Variants in TNS1 observed in about 807,000 individuals in gnomAD.
TNS1 encodes tensin-1.
TNS1 carries 62 observed loss-of-function variants against 168.6 expected under a neutral mutation model. That is an observed-to-expected ratio of 0.37 (90% CI 0.30 to 0.45). The LOEUF is 0.45. Ranked by LOEUF, TNS1 falls within the 20% of genes least tolerant of loss-of-function variation. The probability of loss-of-function intolerance (pLI) is 1.00; values close to 1 mark genes in which losing one functional copy is unlikely to be tolerated. For synonymous variants in TNS1, 934 were observed against 933.2 expected, an observed-to-expected ratio of 1.00 and a Z score of -0.02; for missense variants, 2,240 against 2,339.4, an observed-to-expected ratio of 0.96 and a Z score of 0.88.
intron 3 of TNS1, among the ~76,000 whole-genome samples, chr2:217,966,218 G>A (rs547185943): frequency 6.6e-6 from 1 of 152,046 alleles, no homozygotes; most frequent in South Asian, 2.1e-4. Context: ...TCACAGCTCA[G>A]TGTCTCTTCA....
intron 32 of TNS1, 36 bp downstream of exon 32, chr2:217,808,039 C>A: frequency 6.2e-7 from 1 of 1,612,416 alleles, no homozygotes; most frequent in Non-Finnish European, 8.5e-7. Context: ...AGTACAAAGG[C>A]CAGCCTGCTG....
At chr2:217,965,119 G>A (rs1183610628) in intron 3 of TNS1, among the ~76,000 whole-genome samples, 5 of 152,260 alleles carry the variant, frequency 3.3e-5, no homozygotes, top group Non-Finnish European at 7.3e-5. Flanking sequence ...CAGTCATTCA[G>A]TGGAGCTGCC....
intron 3 of TNS1, among the ~76,000 whole-genome samples, chr2:217,926,089 G>A (rs1348036741): frequency 6.6e-6 from 1 of 152,116 alleles, no homozygotes; most frequent in Non-Finnish European, 1.5e-5. Flanking sequence ...GGAAACGAGG[G>A]CACAGAAATA....
intron 8 of TNS1, among the ~76,000 whole-genome samples, chr2:217,895,429 T>C (rs1952192219): frequency 6.6e-6 from 1 of 152,206 alleles, no homozygotes; most frequent in African/African-American, 2.4e-5. Context: ...CCCTGTTCCG[T>C]GAGCGGATGT....
intron 1 of TNS1, among the ~76,000 whole-genome samples, chr2:218,017,219 A>G (rs934229925): frequency 3.3e-5 from 5 of 151,950 alleles, no homozygotes; most frequent in African/African-American, 1.2e-4. Context: ...TCTCTTTCCC[A>G]CCCCAAGGAT....
chr2:217,929,542 G>A (rs1956205487), intron 3 of TNS1, among the ~76,000 whole-genome samples: 1 of 152,102 alleles, frequency 6.6e-6, no homozygotes, highest in Non-Finnish European at 1.5e-5. Flanking sequence ...GCACCAGCAG[G>A]GGTCAGAGGG....
At chr2:217,949,016 C>T (rs973567862) in intron 3 of TNS1, among the ~76,000 whole-genome samples, 1 of 152,114 alleles carries the variant, frequency 6.6e-6, no homozygotes, top group Non-Finnish European at 1.5e-5. Context: ...AACAGCTTAT[C>T]CCCAAGGCAC....
rs781165235 is a variant in TNS1 at position 217,847,933 on chromosome 2, C to G, written c.2584G>C (p.Ala862Pro). Residue 862 changes from alanine to proline, a missense_variant, in exon 19 of 33, where the codon GCC becomes CCC. By Grantham distance (27) the Ala-to-Pro change is conservative. This residue lies in a region of TNS1 where 2,131 missense variants were observed against 2,171.2 expected (regional missense o/e 0.98). Coordinates refer to ENST00000682258, the MANE Select transcript of TNS1 (RefSeq NM_001387777.1). Reference protein sequence around the residue: ...PLHKSQSVPGAWPGASPLSSQ... With the variant: ...PLHKSQSVPGPWPGASPLSSQ... ...GAGAGTGGAGAAGCCCCTGGCCAGG[C>G]CCCGGGGACACTCTGGGACTTGTGT... 6.6e-7 allele frequency: 1 copy of G among 1,518,372 alleles called. No homozygotes were observed. Among genetic ancestry groups the G allele is most frequent in the Admixed American group, 2.1e-5 (1 of 48,550 alleles). The allele number at this position is 1,518,372 out of a possible 1,614,324, so 94.1% of individuals were successfully genotyped here.
intron 22 of TNS1, among the ~76,000 whole-genome samples, chr2:217,826,145 C>G (rs915089692): frequency 5.9e-5 from 9 of 152,196 alleles, no homozygotes; most frequent in African/African-American, 2.2e-4. Flanking sequence ...ACCTGCCCTT[C>G]CAGTCCCAGA....
intron 1 of TNS1, among the ~76,000 whole-genome samples, chr2:218,024,486 G>A (rs2106011919): frequency 6.6e-6 from 1 of 152,272 alleles, no homozygotes; most frequent in Admixed American, 6.5e-5. Context: ...TGCAGAGGTG[G>A]GGAGCTGATG....
intron 18 of TNS1, among the ~76,000 whole-genome samples, chr2:217,855,918 G>A (rs3791963): frequency 0.093 from 14,145 of 152,114 alleles, 1,007 homozygotes; most frequent in East Asian, 0.33. Flanking sequence ...GCTGAGCATG[G>A]TGGAGGTCCC....
intron 1 of TNS1, among the ~76,000 whole-genome samples, chr2:218,031,936 C>T (rs1180289222): frequency 1.3e-5 from 2 of 152,224 alleles, no homozygotes; most frequent in Admixed American, 6.5e-5. Context: ...CCACTGCTCC[C>T]GCCCCATCCA....
chr2:217,836,271 G>T, intron 19 of TNS1, 60 bp from the exon 20 acceptor site: 1 of 1,504,912 alleles, frequency 6.6e-7, no homozygotes, highest in East Asian at 2.3e-5. Context: ...ATGATCAATC[G>T]GCCTAATCCC....
chr2:217,985,379 AGGTACTGCTGTTT>A (rs1205441907), intron 2 of TNS1: 1 of 152,046 alleles, frequency 6.6e-6, no homozygotes, highest in East Asian at 1.9e-4. Context: ...CTGATGAGGG[AGGTACTGCTGTTT>A]GTCCCATTTA....
At chr2:217,840,828 A>C (rs1047253677) in intron 19 of TNS1, among the ~76,000 whole-genome samples, 3 of 152,194 alleles carry the variant, frequency 2.0e-5, no homozygotes, top group Admixed American at 6.5e-5. Flanking sequence ...TCCTCAGGGG[A>C]CCCTGAATGT....
At chr2:217,936,011 C>G (rs1451847215) in intron 3 of TNS1, among the ~76,000 whole-genome samples, 1 of 152,200 alleles carries the variant, frequency 6.6e-6, no homozygotes, top group Non-Finnish European at 1.5e-5. Flanking sequence ...TCTTCTTCAT[C>G]AACACACAGT....
intron 8 of TNS1, 101 bp from the exon 9 acceptor site, chr2:217,895,157 A>AATGATGCCACGG: frequency 1.7e-6 from 2 of 1,200,710 alleles, no homozygotes; most frequent in Non-Finnish European, 2.4e-6. Context: ...GGACCGTGGC[A>AATGATGCCACGG]TCATTGCCAA....
intron 24 of TNS1, among the ~76,000 whole-genome samples, chr2:217,816,679 G>C (rs1941936931): frequency 6.6e-6 from 1 of 152,146 alleles, no homozygotes; most frequent in Admixed American, 6.5e-5. Flanking sequence ...AGGGAAGATG[G>C]TGGGAAACAG....
At chr2:217,897,416 CTG>C (rs1952429529) in intron 8 of TNS1, among the ~76,000 whole-genome samples, 1 of 152,248 alleles carries the variant, frequency 6.6e-6, no homozygotes, top group Non-Finnish European at 1.5e-5. Context: ...CCCCACCTCT[CTG>C]TGCTCTGGCA....
Sources: allele counts gnomAD v4.1 joint callset (sites outside exome capture counted in the v4.1 genomes callset), GRCh38; gene constraint gnomAD v4.1.1; regional missense constraint gnomAD v4.1.1; transcripts MANE v1.5; gene names NCBI Gene and HGNC (gene_info 2026-07-23, HGNC 2026-07-21).